ETFA: variants seen among roughly 807,000 people sequenced by gnomAD.
ETFA encodes electron transfer flavoprotein subunit alpha, mitochondrial.
Under a neutral mutation model 46.2 loss-of-function variants are expected in ETFA, and 22 were observed. The ratio of observed to expected loss-of-function variants is 0.48; its 90% confidence interval spans 0.34 to 0.68. ETFA has a LOEUF of 0.68. ETFA is among the 30% of genes least tolerant of loss of function. The pLI, the probability that ETFA is intolerant of heterozygous loss-of-function variation, is 0.01. For missense variants in ETFA, 345 were observed against 401.1 expected, an observed-to-expected ratio of 0.86 and a Z score of 1.19; for synonymous variants, 131 against 139.9, an observed-to-expected ratio of 0.94 and a Z score of 0.45.
chr15:76,311,385 A>ACATGGTCTCCGCTTCCGCCG lies in ETFA; in HGVS notation c.-17_3dup (p.Phe2ArgfsTer30). On this transcript the variant is annotated frameshift_variant, in exon 1 of 12. Coordinates refer to ENST00000557943, the MANE Select transcript of ETFA (RefSeq NM_000126.4). LOFTEE classifies it high-confidence loss of function. ...AGCTGCCCCGGAGCCGCCGCTCGGA[A>ACATGGTCTCCGCTTCCGCCG]CATGGTCTCCGCTTCCGCCGCAACC... 2 of 1,563,696 alleles carry ACATGGTCTCCGCTTCCGCCG rather than the reference A, an allele frequency of 1.3e-6. No homozygotes were observed. The highest frequency in any genetic ancestry group is 2.4e-5 in the South Asian group (2 of 85,102).
chr15:76,290,296 TA>T (rs1445086031), intron 4 of ETFA, among the ~76,000 whole-genome samples: 3 of 136,710 alleles, frequency 2.2e-5, no homozygotes, highest in African/African-American at 7.9e-5. Flanking sequence ...TATGCAGCCA[TA>T]AAAAAAGAGA....
At position 76,225,878 on chromosome 15, in the gene ETFA, C is replaced by T. The variant is rs368757881; in HGVS notation, c.934G>A (p.Asp312Asn). 83 of 1,611,372 alleles carry T rather than the reference C, an allele frequency of 5.2e-5. No homozygotes were observed. Among genetic ancestry groups the T allele is most frequent in the Non-Finnish European group, 6.6e-5 (78 of 1,177,668 alleles). Residue 312 changes from aspartate to asparagine, a missense_variant, in exon 11 of 12, where the codon GAT (aspartate) becomes AAT (asparagine). By Grantham distance (23) the Asp-to-Asn change is conservative. Transcript: ENST00000557943. ...AATAAATCTGCAACTATTCCATAATCTGCCACTTGGAAAATTGGAGCTTCT... is the reference window on the plus strand; with the variant it reads ...AATAAATCTGCAACTATTCCATAATTTGCCACTTGGAAAATTGGAGCTTCT... The part of the protein sequence containing the change: ...DPEAPIFQVA[D>N]YGIVADLFKV...
intron 8 of ETFA, among the ~76,000 whole-genome samples, chr15:76,276,578 GC>G (rs1442352438): frequency 2.0e-5 from 3 of 151,922 alleles, no homozygotes; most frequent in Non-Finnish European, 2.9e-5. Context: ...ACTCTTAGAA[GC>G]TGTTCCACAA....
rs767049206 is a variant in ETFA, at chr15:76,216,924, C to G, written c.964-327G>C. Among the ~76,000 whole-genome samples, 4 of 142,548 alleles carry G rather than the reference C, an allele frequency of 2.8e-5. No individual in the cohort carries two copies. In the South Asian group the frequency reaches 8.8e-4, roughly 31 times the overall value. The allele number at this position is 142,548 out of a possible 152,430, so 93.5% of individuals were successfully genotyped here. On this transcript the variant is annotated intron_variant, in intron 11 of 11. Transcript: ENST00000557943. ...GCAGTGGTACAATTATGGCTCACTG[C>G]AGCATCTACCTCCTGGGGTCAATCA...
chr15:76,247,358 A>G (rs898783251), intron 9 of ETFA, among the ~76,000 whole-genome samples: 5 of 152,210 alleles, frequency 3.3e-5, no homozygotes, highest in African/African-American at 4.8e-5. Flanking sequence ...AAGGAACACA[A>G]GGAGACATAC....
At chr15:76,233,076 C>A (rs2141465491) in intron 9 of ETFA, among the ~76,000 whole-genome samples, 1 of 152,272 alleles carries the variant, frequency 6.6e-6, no homozygotes. Context: ...AAGACAAGAA[C>A]AATTTGGCGT....
At chr15:76,302,890 A>T (rs1206726216) in intron 1 of ETFA, among the ~76,000 whole-genome samples, 1 of 152,210 alleles carries the variant, frequency 6.6e-6, no homozygotes, top group Non-Finnish European at 1.5e-5. Flanking sequence ...TATGTTGCCC[A>T]GGCTGGCGTC....
At chr15:76,256,974 A>T (rs148246122) in intron 9 of ETFA, among the ~76,000 whole-genome samples, 8 of 152,328 alleles carry the variant, frequency 5.3e-5, no homozygotes, top group African/African-American at 1.9e-4. Flanking sequence ...GTGTAAGTAC[A>T]CTCTATGATG....
intron 9 of ETFA, among the ~76,000 whole-genome samples, chr15:76,232,656 T>C (rs962763792): frequency 6.6e-6 from 1 of 152,198 alleles, no homozygotes; most frequent in Admixed American, 6.5e-5. Flanking sequence ...CTGAAAATAA[T>C]GTTATTACCT....
chr15:76,278,806 C>G (rs1351829291), intron 8 of ETFA, among the ~76,000 whole-genome samples: 1 of 152,140 alleles, frequency 6.6e-6, no homozygotes, highest in African/African-American at 2.4e-5. Flanking sequence ...ATCTACCCAC[C>G]ACCTGCAGCT....
At chr15:76,272,225 T>TC (rs1384088348) in intron 9 of ETFA, among the ~76,000 whole-genome samples, 1 of 149,372 alleles carries the variant, frequency 6.7e-6, no homozygotes, top group African/African-American at 2.4e-5. Flanking sequence ...TTTCTTTCTT[T>TC]TTTTTTTTTT....
At chr15:76,258,749 A>G (rs2039372115) in intron 9 of ETFA, among the ~76,000 whole-genome samples, 2 of 152,186 alleles carry the variant, frequency 1.3e-5, no homozygotes, top group African/African-American at 4.8e-5. Context: ...GACAACCAGG[A>G]CTGGCCCACT....
At chr15:76,219,633 A>C (rs973881077) in intron 11 of ETFA, among the ~76,000 whole-genome samples, 10 of 152,244 alleles carry the variant, frequency 6.6e-5, no homozygotes, top group African/African-American at 2.4e-4. Flanking sequence ...CAACAAAAAG[A>C]GAAACAGCCC....
At chr15:76,310,411 A>G (rs2039985605) in intron 1 of ETFA, among the ~76,000 whole-genome samples, 1 of 150,364 alleles carries the variant, frequency 6.7e-6, no homozygotes, top group African/African-American at 2.4e-5. Flanking sequence ...GGTACAAACC[A>G]TCAGGTAAGT....
At chr15:76,295,910 G>T (rs2039814777) in intron 1 of ETFA, among the ~76,000 whole-genome samples, 173 bp from the exon 2 acceptor site, 7 of 114,976 alleles carry the variant, frequency 6.1e-5, no homozygotes, top group Non-Finnish European at 7.2e-5. Context: ...CTAGCTATTT[G>T]TGTCTATCAC....
At chr15:76,284,395 T>C in intron 7 of ETFA, 2 of 176,554 alleles carry the variant, frequency 1.1e-5, no homozygotes, top group Non-Finnish European at 2.4e-5. Context: ...GAGGCTGAAG[T>C]GGGCGGATCA....
chr15:76,305,458 T>G (rs527470838), intron 1 of ETFA, among the ~76,000 whole-genome samples: 1 of 152,366 alleles, frequency 6.6e-6, no homozygotes, highest in East Asian at 1.9e-4. Context: ...AAACAGTACA[T>G]AAACTGTTAC....
intron 1 of ETFA, among the ~76,000 whole-genome samples, chr15:76,302,132 C>T (rs992715200): frequency 2.6e-5 from 4 of 152,192 alleles, no homozygotes; most frequent in African/African-American, 9.7e-5. Flanking sequence ...TTGGCAGTTG[C>T]TTATAAAACT....
chr15:76,311,419 A>G lies in ETFA; in HGVS notation c.-31T>C, dbSNP rs368820102. ...CCGCTTCCGCCGCAACCTCGGCCTT[A>G]CAGCAGCCCCGTGCCCGGCCAACTG... On this transcript the variant is annotated 5_prime_UTR_variant, in exon 1 of 12. Coordinates refer to ENST00000557943, the MANE Select transcript of ETFA (RefSeq NM_000126.4). The G allele has an allele frequency of 7.1e-5, 110 of 1,550,866 alleles. 1 individual carries two copies. In the African/African-American group the frequency reaches 1.4e-3, roughly 20 times the overall value.
Sources: gnomAD v4.1 joint callset for allele counts (sites outside exome capture counted in the v4.1 genomes callset) on GRCh38, gnomAD v4.1.1 for gene constraint, MANE v1.5 for transcripts, NCBI Gene and HGNC (gene_info 2026-07-23, HGNC 2026-07-21) for gene names.